The following PPP2R2A variants were observed in gnomAD, a reference collection of about 807,000 sequenced individuals.
PPP2R2A encodes the protein protein phosphatase 2 regulatory subunit Balpha.
PPP2R2A carries 9 observed loss-of-function variants against 53.2 expected under a neutral mutation model. The ratio of observed to expected loss-of-function variants is 0.17; its 90% confidence interval spans 0.10 to 0.30. PPP2R2A has a LOEUF of 0.30. Among genes scored for constraint, PPP2R2A ranks in the 10% least tolerant of loss-of-function variants. The probability of loss-of-function intolerance (pLI) is 1.00; values close to 1 mark genes in which losing one functional copy is unlikely to be tolerated. For missense variants in PPP2R2A, 235 were observed against 534.6 expected (o/e 0.44, Z 5.53); for synonymous variants, 169 against 174.2 (o/e 0.97, Z 0.23).
At chr8:26,359,751 C>T (rs556045275) in intron 4 of PPP2R2A, among the ~76,000 whole-genome samples, 1 of 152,166 alleles carries the variant, frequency 6.6e-6, no homozygotes, top group African/African-American at 2.4e-5. Flanking sequence ...TATTTTGATT[C>T]TACATAATAG....
intron 2 of PPP2R2A, among the ~76,000 whole-genome samples, chr8:26,295,518 A>G (rs534041290): frequency 7.9e-5 from 12 of 152,350 alleles, no homozygotes; most frequent in African/African-American, 2.9e-4. Flanking sequence ...ACAAAGTCAA[A>G]GTTTTCAAGA....
chr8:26,330,297 ATTCTTTT>A (rs1330308838), intron 2 of PPP2R2A, among the ~76,000 whole-genome samples: 8 of 84,338 alleles, frequency 9.5e-5, no homozygotes, highest in African/African-American at 3.9e-4. Flanking sequence ...TTGATGATTT[ATTCTTTT>A]TTCTTTTTTT....
chr8:26,327,372 G>A (rs1240439095), intron 2 of PPP2R2A, among the ~76,000 whole-genome samples: 1 of 152,192 alleles, frequency 6.6e-6, no homozygotes, highest in Non-Finnish European at 1.5e-5. Flanking sequence ...GAGAGCCTTT[G>A]AAGAGTATTA....
rs1391371775 is a variant in PPP2R2A at position 26,360,712 on chromosome 8, G to A, written c.460-262G>A. Reference sequence around the variant, plus strand: ...CCATAAACATTTATTAGCTTGGCATGTCTTTCAAGCAAAATATTGAAACTA... The same window carrying A: ...CCATAAACATTTATTAGCTTGGCATATCTTTCAAGCAAAATATTGAAACTA... On this transcript the variant is annotated intron_variant, in intron 5 of 9. Transcript: ENST00000380737. This position sits in a 1 kb window ranked among gnomAD's most constrained non-coding sequence, Gnocchi z 4.5. The A allele has an allele frequency of 2.4e-6, 1 of 412,374 alleles. No homozygotes were observed. The highest frequency in any genetic ancestry group is 4.2e-6 in the Non-Finnish European group (1 of 236,128). 25.5% of individuals were successfully genotyped at this position (412,374 alleles called of 1,614,324 possible). A position where few individuals can be genotyped will look rare whatever the true frequency, so the allele number is the denominator to read the frequency against.
intron 2 of PPP2R2A, among the ~76,000 whole-genome samples, chr8:26,301,369 G>C (rs574692552): frequency 7.8e-6 from 1 of 128,638 alleles, no homozygotes; most frequent in South Asian, 2.3e-4. Context: ...GTCTTGCTCT[G>C]TCATCCTGGC....
At chr8:26,361,878 T>C (rs554903098) in intron 6 of PPP2R2A, among the ~76,000 whole-genome samples, 1 of 151,796 alleles carries the variant, frequency 6.6e-6, no homozygotes, top group African/African-American at 2.4e-5. Context: ...GGAGAATTGC[T>C]TGAACCTGGG....
chr8:26,342,586 G>C (rs749749071), intron 3 of PPP2R2A, among the ~76,000 whole-genome samples: 7 of 152,072 alleles, frequency 4.6e-5, no homozygotes, highest in Non-Finnish European at 1.0e-4. Context: ...TGGGTGTGTG[G>C]GTGCTGGGTT....
intron 2 of PPP2R2A, among the ~76,000 whole-genome samples, chr8:26,326,868 T>C (rs1803114035): frequency 6.6e-6 from 1 of 152,226 alleles, no homozygotes; most frequent in Non-Finnish European, 1.5e-5. Context: ...GTAACAGTTA[T>C]ATACCAGGGC....
At chr8:26,292,967 T>C in intron 1 of PPP2R2A, 1 of 385,196 alleles carries the variant, frequency 2.6e-6, no homozygotes, top group Non-Finnish European at 4.6e-6. Flanking sequence ...CTTGTTGGCC[T>C]TGTTGAAAAA....
chr8:26,346,990 C>T (rs1341032126), intron 3 of PPP2R2A, among the ~76,000 whole-genome samples: 17 of 152,136 alleles, frequency 1.1e-4, no homozygotes, highest in Admixed American at 1.1e-3. Context: ...ATAGAATTTG[C>T]ACTTGATCCT....
intron 2 of PPP2R2A, among the ~76,000 whole-genome samples, chr8:26,303,881 C>T (rs1801898608): frequency 6.6e-6 from 1 of 152,214 alleles, no homozygotes; most frequent in South Asian, 2.1e-4. Context: ...TCGTTGAATA[C>T]TTCTATATAC....
chr8:26,346,260 C>A (rs1585387412), intron 3 of PPP2R2A, among the ~76,000 whole-genome samples: 1 of 152,192 alleles, frequency 6.6e-6, no homozygotes, highest in Admixed American at 6.5e-5. Flanking sequence ...TATGCCTCAG[C>A]CTCCCGAGTA....
chr8:26,334,471 TACGGTGGCTC>T (rs1803549197), intron 2 of PPP2R2A, among the ~76,000 whole-genome samples: 1 of 152,078 alleles, frequency 6.6e-6, no homozygotes, highest in African/African-American at 2.4e-5. Context: ...TCCGGCCAGG[TACGGTGGCTC>T]ACGCCTGAAA....
intron 9 of PPP2R2A, among the ~76,000 whole-genome samples, chr8:26,369,331 A>C (rs958600484): frequency 6.6e-6 from 1 of 151,178 alleles, no homozygotes; most frequent in Admixed American, 6.6e-5. Flanking sequence ...GGTTCAAGGG[A>C]TTCTCCTGCC....
intron 8 of PPP2R2A, chr8:26,365,019 C>T (rs978110202): frequency 1.4e-4 from 22 of 152,178 alleles, no homozygotes; most frequent in African/African-American, 4.8e-4. Flanking sequence ...TCCTAGTTAC[C>T]CTCACCATCA....
chr8:26,314,279 A>G (rs1464695142), intron 2 of PPP2R2A, among the ~76,000 whole-genome samples: 2 of 152,202 alleles, frequency 1.3e-5, no homozygotes, highest in Admixed American at 6.5e-5. Context: ...ATGTTGTATC[A>G]GTTTTACTTT....
At chr8:26,323,907 G>A (rs1411287633) in intron 2 of PPP2R2A, among the ~76,000 whole-genome samples, 1 of 152,180 alleles carries the variant, frequency 6.6e-6, no homozygotes, top group African/African-American at 2.4e-5. Context: ...GGCTACTGCA[G>A]TAACATAGGA....
At chr8:26,293,256 A>T in intron 1 of PPP2R2A, 1 of 1,535,832 alleles carries the variant, frequency 6.5e-7, no homozygotes, top group South Asian at 1.2e-5. Context: ...AATGTTCCCG[A>T]AGTTTTCTCT....
chr8:26,339,501 A>G (rs1210517398), intron 3 of PPP2R2A, among the ~76,000 whole-genome samples: 1 of 152,200 alleles, frequency 6.6e-6, no homozygotes, highest in Admixed American at 6.5e-5. Flanking sequence ...AAAGTAACTT[A>G]AAAGTGCAGT....
Sources: allele counts gnomAD v4.1 joint callset (sites outside exome capture counted in the v4.1 genomes callset), GRCh38; gene constraint gnomAD v4.1.1; non-coding constraint Gnocchi (gnomAD v3.1); transcripts MANE v1.5; gene names NCBI Gene and HGNC (gene_info 2026-07-23, HGNC 2026-07-21).